PCDHA5: variants seen among roughly 807,000 people sequenced by gnomAD.
PCDHA5 encodes protocadherin alpha 5.
A neutral mutation model predicts 61.6 loss-of-function variants in PCDHA5; 43 were observed. The observed-to-expected ratio is 0.70, with a 90% CI of 0.55 to 0.90. The LOEUF is 0.90. PCDHA5 is among the 40% of genes least tolerant of loss of function. The pLI is 0.00. For synonymous variants in PCDHA5, 627 were observed against 543.9 expected, an observed-to-expected ratio of 1.15 and a Z score of -2.13; for missense variants, 1,298 against 1,222.7, an observed-to-expected ratio of 1.06 and a Z score of -0.92.
rs73266040 is a variant in PCDHA5 at position 140,926,675 on chromosome 5, C to G, written c.2353-52274C>G. 1.5e-3 allele frequency: 923 copies of G among 601,544 alleles called. 7 individuals carry two copies. The African/African-American group carries it at 0.016, about 11-fold the overall frequency. The allele number at this position is 601,544 out of a possible 1,614,324, so 37.3% of individuals were successfully genotyped here. ...TCCGCTTTCCCAGACGGCTGCCCAG[C>G]CTCCAGCCTAGCAAGCCCGGCTCCC... On this transcript the variant is annotated intron_variant, in intron 1 of 3. Coordinates refer to ENST00000529859, the MANE Select transcript of PCDHA5 (RefSeq NM_018908.3).
In PCDHA5 at chr5:140,877,377, C is replaced by A. The variant is rs575601254; in HGVS notation, c.2352+53250C>A. 8.1e-6 allele frequency: 13 copies of A among 1,614,008 alleles called. No homozygotes were observed. The South Asian group carries it at 1.1e-4, about 14-fold the overall frequency. ...ACACTGGCGAGATCAGCACGACACG[C>A]ATCCTGGATGAGGCGGACGCTCCGC... On this transcript the variant is annotated intron_variant, in intron 1 of 3. Transcript: ENST00000529859.
chr5:140,847,902 T>G (rs753467196), intron 1 of PCDHA5: 1 of 149,888 alleles, frequency 6.7e-6, no homozygotes, highest in South Asian at 2.1e-4. Context: ...ATCAGTAGAT[T>G]TCTGGGCTCC....
intron 1 of PCDHA5, chr5:140,882,538 C>A: frequency 6.2e-7 from 1 of 1,614,170 alleles, no homozygotes; most frequent in Non-Finnish European, 8.5e-7. Context: ...ATTCTCGGAT[C>A]GACCGCGAGG....
At chr5:140,913,610 A>C (rs1271705435) in intron 1 of PCDHA5, among the ~76,000 whole-genome samples, 2 of 151,906 alleles carry the variant, frequency 1.3e-5, no homozygotes, top group African/African-American at 4.8e-5. Flanking sequence ...TATTTTCTCT[A>C]CTAATTTTGG....
intron 1 of PCDHA5, among the ~76,000 whole-genome samples, chr5:140,974,827 G>A (rs1356890991): frequency 6.6e-6 from 1 of 152,182 alleles, no homozygotes; most frequent in Admixed American, 6.5e-5. Flanking sequence ...GCAACATAAT[G>A]ATTATTTTAA....
At position 140,850,184 on chromosome 5, in the gene PCDHA5, G is replaced by A. The variant is rs2150471787; in HGVS notation, c.2352+26057G>A. 1.2e-5 allele frequency: 19 copies of A among 1,593,814 alleles called. 2 individuals carry two copies. The highest frequency in any genetic ancestry group is 4.5e-5 in the East Asian group (2 of 44,826). ...TGCTGGACGAGAACGACAATGCGCC[G>A]GCGCTGCTGACACCTCGGATGAGGG... On this transcript the variant is annotated intron_variant, in intron 1 of 3. Coordinates refer to ENST00000529859, the MANE Select transcript of PCDHA5 (RefSeq NM_018908.3).
At chr5:140,856,688 A>T in intron 1 of PCDHA5, 1 of 1,597,342 alleles carries the variant, frequency 6.3e-7, no homozygotes, top group Non-Finnish European at 8.6e-7. Context: ...GTTGACAGCA[A>T]CTGATGGAGG....
intron 1 of PCDHA5, among the ~76,000 whole-genome samples, chr5:140,946,597 T>A (rs952488909): frequency 1.5e-5 from 2 of 137,412 alleles, no homozygotes; most frequent in Admixed American, 7.5e-5. Context: ...GATGAATAGA[T>A]AAAGAAAATG....
At chr5:140,851,299 T>C (rs2042017269) in intron 1 of PCDHA5, 2 of 1,019,562 alleles carry the variant, frequency 2.0e-6, no homozygotes, top group East Asian at 1.2e-4. Flanking sequence ...AGCAAAAATA[T>C]ATAGCAATTG....
chr5:140,848,428 C>T, intron 1 of PCDHA5: 1 of 1,450,060 alleles, frequency 6.9e-7, no homozygotes, highest in Non-Finnish European at 9.4e-7. Flanking sequence ...ATGGGACTGA[C>T]GAAATCAGAT....
intron 1 of PCDHA5, chr5:140,871,257 G>T (rs374337862): frequency 6.8e-6 from 11 of 1,613,808 alleles, no homozygotes; most frequent in Admixed American, 1.7e-5. Flanking sequence ...TGCTGTATAC[G>T]GCGCTGTGGT....
chr5:140,966,589 GGCCAGGA>G (rs1554228448), intron 1 of PCDHA5: 2 of 580,716 alleles, frequency 3.4e-6, no homozygotes, highest in Non-Finnish European at 5.5e-6. Flanking sequence ...AGGACGGTGG[GGCCAGGA>G]GCCCTTGGGA....
intron 1 of PCDHA5, among the ~76,000 whole-genome samples, chr5:140,887,104 T>G (rs1554182871): frequency 6.6e-6 from 1 of 151,604 alleles, no homozygotes; most frequent in Admixed American, 6.6e-5. Flanking sequence ...TTTATCTCTT[T>G]TTTTTTTTTT....
Position 140,843,706 on chromosome 5 carries a change from T to C in PCDHA5, c.2352+19579T>C, listed in dbSNP as rs147955219. 3.2e-6 allele frequency: 5 copies of C among 1,580,440 alleles called. No homozygotes were observed. In the East Asian group the frequency reaches 1.1e-4, roughly 35 times the overall value. On this transcript the variant is annotated intron_variant, in intron 1 of 3. Transcript: ENST00000529859. ...AAGAGCAAGATTTAAATGTTGATCA[T>C]GGCCTCAAAGTAAGTCCATTTAAAT...
intron 1 of PCDHA5, chr5:140,869,446 C>A (rs2051137912): frequency 1.2e-6 from 2 of 1,614,070 alleles, no homozygotes; most frequent in Admixed American, 1.7e-5. Context: ...CAGGCCGCTG[C>A]AGGTTTTCCA....
chr5:140,940,736 A>G (rs1554213579), intron 1 of PCDHA5, among the ~76,000 whole-genome samples: 1 of 152,200 alleles, frequency 6.6e-6, no homozygotes, highest in Non-Finnish European at 1.5e-5. Flanking sequence ...GGACAGCTCC[A>G]TATTTTTATG....
intron 1 of PCDHA5, chr5:140,829,395 T>C (rs1554131925): frequency 3.7e-6 from 6 of 1,614,052 alleles, no homozygotes; most frequent in Non-Finnish European, 5.1e-6. Flanking sequence ...TCGCCTTCGC[T>C]GTGGGCCACC....
At chr5:140,856,778 C>T (rs782280474) in intron 1 of PCDHA5, 2 of 1,596,260 alleles carry the variant, frequency 1.3e-6, no homozygotes, top group Admixed American at 3.4e-5. Context: ...CTTTGACAGA[C>T]CGGTTTATGA....
In PCDHA5 at chr5:140,857,043, A is replaced by T. The variant is rs201811819; in HGVS notation, c.2352+32916A>T. Reference sequence around the variant, plus strand: ...AAGGGAAACCCACCTATGGTTGGTCACTGCACGGTCCTAGTGGAACTACTG... The same window carrying T: ...AAGGGAAACCCACCTATGGTTGGTCTCTGCACGGTCCTAGTGGAACTACTG... On this transcript the variant is annotated intron_variant, in intron 1 of 3. Transcript: ENST00000529859. 81 of 1,595,818 alleles carry T rather than the reference A, an allele frequency of 5.1e-5. 4 individuals carry two copies. The highest frequency in any genetic ancestry group is 1.5e-5 in the Non-Finnish European group (18 of 1,165,582).
Sources: allele counts gnomAD v4.1 joint callset (sites outside exome capture counted in the v4.1 genomes callset), GRCh38; gene constraint gnomAD v4.1.1; transcripts MANE v1.5; gene names NCBI Gene and HGNC (gene_info 2026-07-23, HGNC 2026-07-21).